Variants in MAPK10 observed in about 807,000 individuals in gnomAD.
MAPK10 encodes the protein JNK3 alpha protein kinase.
A neutral mutation model predicts 59.3 loss-of-function variants in MAPK10; 25 were observed. The ratio of observed to expected loss-of-function variants is 0.42; its 90% CI spans 0.31 to 0.59. The LOEUF (loss-of-function observed/expected upper bound fraction) is 0.59, where lower values mean the gene tolerates loss of function less well. Ranked by LOEUF, MAPK10 falls within the 20% of genes least tolerant of loss-of-function variation. The pLI is 0.15. For synonymous variants in MAPK10, 190 were observed against 200.5 expected (o/e 0.95, Z 0.44); for missense variants, 351 against 568.9 (o/e 0.62, Z 3.90).
At chr4:86,475,250 C>G (rs1241771366) in intron 1 of MAPK10, among the ~76,000 whole-genome samples, 1 of 152,158 alleles carries the variant, frequency 6.6e-6, no homozygotes, top group African/African-American at 2.4e-5. Context: ...TGACTCGGAT[C>G]AGGGGACCTT....
chr4:86,054,780 C>A (rs1196775066), intron 11 of MAPK10, among the ~76,000 whole-genome samples: 2 of 152,112 alleles, frequency 1.3e-5, no homozygotes, highest in Non-Finnish European at 2.9e-5. Flanking sequence ...TAAACTATTT[C>A]TCAAATTAAG....
chr4:86,432,089 A>G (rs1748119535), intron 1 of MAPK10, among the ~76,000 whole-genome samples: 1 of 152,148 alleles, frequency 6.6e-6, no homozygotes, highest in Admixed American at 6.5e-5. Flanking sequence ...ATTTCTGTGT[A>G]GCCCCTAGAG....
rs191401889 is a variant in MAPK10 at position 86,299,355 on chromosome 4, C to A, written c.-7+55175G>T. Among the ~76,000 whole-genome samples the A allele has an allele frequency of 2.9e-3, 441 of 152,210 alleles. 5 individuals carry two copies. The Middle Eastern group carries it at 0.044, about 15-fold the overall frequency. On this transcript the variant is annotated intron_variant, in intron 2 of 13. Coordinates refer to ENST00000641462, the MANE Select transcript of MAPK10 (RefSeq NM_138982.4). ...AATTCATATGCTGAAATCCTAAGCC[C>A]CATAGTGATGATACTTTTTCAGAGG...
At chr4:86,395,248 G>A (rs1001981816) in intron 1 of MAPK10, among the ~76,000 whole-genome samples, 5 of 152,082 alleles carry the variant, frequency 3.3e-5, no homozygotes, top group African/African-American at 9.7e-5. Context: ...ATATTTATTG[G>A]TTACTATTTA....
chr4:86,298,867 A>T (rs1224677857), intron 2 of MAPK10, among the ~76,000 whole-genome samples: 1 of 152,232 alleles, frequency 6.6e-6, no homozygotes, highest in Non-Finnish European at 1.5e-5. Context: ...CTCTGTAGAG[A>T]ACCAGGTAGG....
rs115031481 is a variant in MAPK10 at position 86,395,704 on chromosome 4, G to C, written c.-121-41060C>G. On this transcript the variant is annotated intron_variant, in intron 1 of 13. Coordinates refer to the MAPK10 transcript ENST00000361569. ...ATTTCTCAAAGTTCTAGAAGCTGCA[G>C]AGCCCAAGATCAAGGTGCTGGCAGA... 2.3e-3 allele frequency among the ~76,000 whole-genome samples: 352 copies of C among 152,306 alleles called. 3 individuals are homozygous for C. The highest frequency in any genetic ancestry group is 8.0e-3 in the African/African-American group (334 of 41,564).
intron 11 of MAPK10, among the ~76,000 whole-genome samples, chr4:86,051,146 A>G (rs1420071265): frequency 6.6e-6 from 1 of 152,160 alleles, no homozygotes; most frequent in African/African-American, 2.4e-5. Context: ...TGAGTCTCAT[A>G]TGAAACCTGC....
At chr4:86,181,463 C>T (rs1035143858) in intron 3 of MAPK10, among the ~76,000 whole-genome samples, 4 of 151,878 alleles carry the variant, frequency 2.6e-5, no homozygotes, top group South Asian at 2.1e-4. Context: ...ACAGAGGACA[C>T]TAAGTTGATA....
intron 2 of MAPK10, among the ~76,000 whole-genome samples, chr4:86,310,177 C>A (rs776798820): frequency 3.3e-5 from 5 of 152,148 alleles, no homozygotes; most frequent in Non-Finnish European, 5.9e-5. Context: ...CCAGATGGAA[C>A]CAAAGTACTT....
intron 4 of MAPK10, among the ~76,000 whole-genome samples, chr4:86,118,488 C>A (rs1429143651): frequency 1.3e-5 from 2 of 152,038 alleles, no homozygotes; most frequent in East Asian, 1.9e-4. Context: ...AGTGATAGAG[C>A]TTTCTGCTGT....
intron 3 of MAPK10, among the ~76,000 whole-genome samples, chr4:86,170,813 C>T (rs1394085778): frequency 6.6e-6 from 1 of 150,432 alleles, no homozygotes; most frequent in African/African-American, 2.5e-5. Flanking sequence ...AAATTGACCA[C>T]ATAGTTGGAA....
chr4:86,397,204 AG>A, intron 1 of MAPK10, among the ~76,000 whole-genome samples: 1 of 152,240 alleles, frequency 6.6e-6, no homozygotes, highest in Non-Finnish European at 1.5e-5. Context: ...CTCAGTGAGA[AG>A]AAATTATAAA....
intron 1 of MAPK10, among the ~76,000 whole-genome samples, chr4:86,458,299 C>CA (rs151181834): frequency 0.19 from 22,281 of 117,800 alleles, 1,774 homozygotes; most frequent in East Asian, 0.27. Flanking sequence ...GACTCTGTCT[C>CA]AAAAAAAAAA....
At chr4:86,136,468 T>C (rs1387991539) in intron 4 of MAPK10, among the ~76,000 whole-genome samples, 2 of 150,600 alleles carry the variant, frequency 1.3e-5, no homozygotes, top group African/African-American at 5.0e-5. Flanking sequence ...TAAAATACTT[T>C]ACAGACAAGC....
chr4:86,317,370 C>T (rs907743966), intron 2 of MAPK10, among the ~76,000 whole-genome samples: 1 of 152,140 alleles, frequency 6.6e-6, no homozygotes, highest in Non-Finnish European at 1.5e-5. Flanking sequence ...ACTCTGCCCT[C>T]CTTAGTCCTG....
chr4:86,265,371 T>C (rs1237212386), intron 2 of MAPK10, among the ~76,000 whole-genome samples: 1 of 151,954 alleles, frequency 6.6e-6, no homozygotes, highest in Non-Finnish European at 1.5e-5. Context: ...TAGCCTGGCA[T>C]GGTGGCAGGC....
At chr4:86,360,496 C>T (rs1578893011), upstream of MAPK10, among the ~76,000 whole-genome samples, 1 of 152,156 alleles carries the variant, frequency 6.6e-6, no homozygotes, top group Non-Finnish European at 1.5e-5. Flanking sequence ...ATTTGAGTGT[C>T]GCCTGAACCC....
At chr4:86,177,427 GCCAT>G (rs1206452706) in intron 3 of MAPK10, among the ~76,000 whole-genome samples, 1 of 151,874 alleles carries the variant, frequency 6.6e-6, no homozygotes, top group African/African-American at 2.4e-5. Context: ...AACTAGGATG[GCCAT>G]CCAATGAAGT....
chr4:86,435,114 G>A (rs1160352276), intron 1 of MAPK10, among the ~76,000 whole-genome samples: 2 of 152,122 alleles, frequency 1.3e-5, no homozygotes, highest in African/African-American at 2.4e-5. Flanking sequence ...GTAGATTGGT[G>A]CTTACCAGAG....
Sources: allele counts gnomAD v4.1 joint callset (sites outside exome capture counted in the v4.1 genomes callset), GRCh38; gene constraint gnomAD v4.1.1; transcripts MANE v1.5; gene names NCBI Gene and HGNC (gene_info 2026-07-23, HGNC 2026-07-21).